Variants in NR2C2 observed in about 807,000 individuals in gnomAD.
NR2C2 encodes Nuclear hormone receptor TR4.
NR2C2 carries 6 observed loss-of-function variants against 62.9 expected under a neutral mutation model. The ratio of observed to expected loss-of-function variants is 0.10; its 90% CI spans 0.05 to 0.19. The LOEUF (loss-of-function observed/expected upper bound fraction) is 0.19. NR2C2 is among the 10% of genes least tolerant of loss of function. The probability of loss-of-function intolerance (pLI) is 1.00; values close to 1 mark genes in which losing one functional copy is unlikely to be tolerated. For synonymous variants in NR2C2, 272 were observed against 273.8 expected (o/e 0.99, Z 0.07); for missense variants, 479 against 762.7 (o/e 0.63, Z 4.38).
At chr3:15,028,244 A>G (rs1195592180) in intron 7 of NR2C2, among the ~76,000 whole-genome samples, 1 of 152,240 alleles carries the variant, frequency 6.6e-6, no homozygotes, top group African/African-American at 2.4e-5. Flanking sequence ...AACCATTATC[A>G]GACATGATTC....
At position 14,991,345 on chromosome 3, in the gene NR2C2, C is replaced by T. The variant is rs144104498; in HGVS notation, c.-39-12531C>T. Among the ~76,000 whole-genome samples the T allele has an allele frequency of 5.8e-3, 884 of 152,270 alleles. 7 individuals carry two copies. Among genetic ancestry groups the T allele is most frequent in the Non-Finnish European group, 0.01 (685 of 68,020 alleles). On this transcript the variant is annotated intron_variant, in intron 1 of 13. Coordinates refer to ENST00000425241, the MANE Select transcript of NR2C2 (RefSeq NM_001291694.2). ...TCAGCAGCCTCCTGTGGATTCTTCT[C>T]GCTGATGCAAGTTGCTGCACAAAGG...
intron 1 of NR2C2, among the ~76,000 whole-genome samples, chr3:14,969,049 G>A (rs1234032946): frequency 6.7e-6 from 1 of 148,478 alleles, no homozygotes; most frequent in African/African-American, 2.5e-5. Context: ...TGACGAGTTA[G>A]TGGGTGCAGC....
In NR2C2 at chr3:15,024,170, C is replaced by A; in HGVS notation, c.760C>A (p.Arg254Ser). 6.2e-7 allele frequency: 1 copy of A among 1,612,550 alleles called. No homozygotes were observed. Among genetic ancestry groups the A allele is most frequent in the Non-Finnish European group, 8.5e-7 (1 of 1,179,292 alleles). The change falls in exon 7 of 14, where the codon CGT becomes AGT. Residue 254 changes from arginine (R) to serine (S), a missense_variant. By Grantham distance (110) the Arg-to-Ser change is moderately radical. This residue lies in a region of NR2C2 where 151 missense variants were observed against 176.1 expected (regional missense o/e 0.86). Coordinates refer to ENST00000425241, the MANE Select transcript of NR2C2 (RefSeq NM_001291694.2). ...MLVNIQQPLI[R>S]EDGTVLLATD... The stretch of plus-strand genomic sequence containing the variant: ...TGTGAACATCCAGCAGCCTTTGATA[C>A]GTGAGGATGGTACAGTTCTCCTGGC...
At chr3:15,014,052 G>A (rs965195411) in intron 3 of NR2C2, among the ~76,000 whole-genome samples, 2 of 152,168 alleles carry the variant, frequency 1.3e-5, no homozygotes, top group East Asian at 1.9e-4. Flanking sequence ...TGAGCAAGCC[G>A]GCACTGAGGC....
chr3:14,997,917 A>T (rs1365852106), intron 1 of NR2C2, among the ~76,000 whole-genome samples: 1 of 152,166 alleles, frequency 6.6e-6, no homozygotes, highest in Non-Finnish European at 1.5e-5. Context: ...TGCCCCCACT[A>T]AAAAACCCAC....
Position 15,023,341 on chromosome 3 carries a change from G to A in NR2C2, c.698G>A (p.Gly233Glu), listed in dbSNP as rs141549777. 50 of 1,613,950 alleles carry A rather than the reference G, an allele frequency of 3.1e-5. No individual in the cohort carries two copies. Among genetic ancestry groups the A allele is most frequent in the Middle Eastern group, 1.6e-4 (1 of 6,082 alleles). ...ATPTFVADKD[G>E]ARQTGLLDPG... ...CCCACGTTTGTGGCAGACAAAGATG[G>A]AGCAAGGTCAGTCCCTTGTTCTCAC... Residue 233 changes from glycine (G) to glutamate (E), a missense_variant, in exon 6 of 14, where the codon GGA (glycine) becomes GAA (glutamate). Coordinates refer to ENST00000425241, the MANE Select transcript of NR2C2 (RefSeq NM_001291694.2).
At chr3:14,984,970 G>A (rs1364173141) in intron 1 of NR2C2, among the ~76,000 whole-genome samples, 1 of 151,898 alleles carries the variant, frequency 6.6e-6, no homozygotes, top group African/African-American at 2.4e-5. Flanking sequence ...TTACTCTTAG[G>A]CATTCTAATA....
chr3:14,998,478 A>T (rs2040894247), intron 1 of NR2C2, among the ~76,000 whole-genome samples: 1 of 152,212 alleles, frequency 6.6e-6, no homozygotes, highest in Non-Finnish European at 1.5e-5. Context: ...ATGAAGTGGT[A>T]TCTCATCATG....
intron 1 of NR2C2, among the ~76,000 whole-genome samples, chr3:14,950,442 T>C (rs1242149530): frequency 6.6e-6 from 1 of 152,114 alleles, no homozygotes; most frequent in Non-Finnish European, 1.5e-5. Context: ...CATTATTTTC[T>C]TATCTGTGGT....
intron 10 of NR2C2, among the ~76,000 whole-genome samples, chr3:15,034,037 C>T (rs1334438209): frequency 3.9e-5 from 6 of 152,192 alleles, no homozygotes; most frequent in Non-Finnish European, 5.9e-5. Context: ...CCAGTTTCTC[C>T]GGCCTCCTGA....
intron 1 of NR2C2, among the ~76,000 whole-genome samples, chr3:14,986,761 C>T (rs1021665995): frequency 6.6e-6 from 1 of 152,192 alleles, no homozygotes; most frequent in African/African-American, 2.4e-5. Flanking sequence ...AAATTAGCAT[C>T]TGCTATGGGA....
chr3:15,041,555 A>T (rs540371818), intron 13 of NR2C2, among the ~76,000 whole-genome samples: 4 of 152,358 alleles, frequency 2.6e-5, no homozygotes, highest in African/African-American at 7.2e-5. Context: ...AAAACTTTTT[A>T]AAAAGCACTA....
chr3:15,025,494 T>A (rs891113626), intron 7 of NR2C2: 2 of 152,266 alleles, frequency 1.3e-5, no homozygotes, highest in African/African-American at 2.4e-5. Context: ...AGAGGCAGAC[T>A]GTGTCCTACC....
At chr3:15,035,057 C>T (rs1164455987) in intron 11 of NR2C2, among the ~76,000 whole-genome samples, 5 of 152,192 alleles carry the variant, frequency 3.3e-5, no homozygotes, top group Admixed American at 2.6e-4. Context: ...CTTTGTTAGG[C>T]CAGGCAGGAG....
At chr3:15,011,661 C>A (rs1415207351) in intron 2 of NR2C2, among the ~76,000 whole-genome samples, 1 of 152,182 alleles carries the variant, frequency 6.6e-6, no homozygotes, top group Non-Finnish European at 1.5e-5. Context: ...ACATCTTTTG[C>A]CCCTTTAGTT....
At chr3:15,027,707 C>T (rs904187396) in intron 7 of NR2C2, among the ~76,000 whole-genome samples, 1 of 152,086 alleles carries the variant, frequency 6.6e-6, no homozygotes, top group Admixed American at 6.5e-5. Flanking sequence ...AAGAGACCCT[C>T]CCACCTCAGC....
intron 2 of NR2C2, among the ~76,000 whole-genome samples, chr3:15,008,647 A>G (rs1169874774): frequency 1.3e-5 from 2 of 152,170 alleles, no homozygotes; most frequent in East Asian, 1.9e-4. Context: ...GCTGGAACAG[A>G]GTGGGTAACA....
chr3:15,022,394 CTTTCTTTTTTTT>C (rs2041694816), intron 5 of NR2C2, among the ~76,000 whole-genome samples: 3 of 121,094 alleles, frequency 2.5e-5, no homozygotes, highest in African/African-American at 8.7e-5. Flanking sequence ...TTTTCTTTTT[CTTTCTTTTTTTT>C]TTTTTTTTTT....
chr3:14,949,522 A>G (rs1417343176), intron 1 of NR2C2, among the ~76,000 whole-genome samples: 3 of 152,242 alleles, frequency 2.0e-5, no homozygotes, highest in Admixed American at 6.5e-5. Flanking sequence ...CAAATCTTCA[A>G]TGTAATAAGA....
Sources: allele counts gnomAD v4.1 joint callset (sites outside exome capture counted in the v4.1 genomes callset), GRCh38; gene constraint gnomAD v4.1.1; regional missense constraint gnomAD v4.1.1; transcripts MANE v1.5; gene names NCBI Gene and HGNC (gene_info 2026-07-23, HGNC 2026-07-21).